Variants in KIF1B observed in about 807,000 individuals in gnomAD.
KIF1B encodes the protein kinesin family member 1B.
In KIF1B, 76 loss-of-function variants were observed where a neutral mutation model predicts 241.9. That is an observed-to-expected ratio of 0.31 (90% CI 0.26 to 0.38). KIF1B has a LOEUF of 0.38. Ranked by LOEUF, KIF1B falls within the 10% of genes least tolerant of loss-of-function variation. KIF1B has a pLI of 1.00. For missense variants in KIF1B, 1,622 were observed against 2,271.4 expected (o/e 0.71, Z 5.81); for synonymous variants, 750 against 796.7 (o/e 0.94, Z 0.99).
intron 32 of KIF1B, among the ~76,000 whole-genome samples, chr1:10,340,981 A>G (rs1417318765): frequency 1.3e-5 from 2 of 152,286 alleles, no homozygotes; most frequent in Middle Eastern, 3.4e-3. Context: ...ACAAGCAAAC[A>G]CAAAATATGC....
intron 11 of KIF1B, 128 bp from the exon 12 acceptor site, chr1:10,276,193 A>G: frequency 1.3e-6 from 1 of 758,548 alleles, no homozygotes. Context: ...CAAAAAAAAA[A>G]TAAAAGAAAG....
intron 24 of KIF1B, among the ~76,000 whole-genome samples, chr1:10,323,566 G>T (rs1373614342): frequency 1.3e-5 from 2 of 152,182 alleles, no homozygotes; most frequent in Non-Finnish European, 2.9e-5. Context: ...AGGCTACAGT[G>T]CTCTGTGATT....
intron 2 of KIF1B, among the ~76,000 whole-genome samples, chr1:10,242,889 A>G (rs536730302): frequency 5.3e-5 from 8 of 152,150 alleles, no homozygotes; most frequent in Admixed American, 1.3e-4. Flanking sequence ...ACAGGTTGTT[A>G]TGTGGTGCAT....
intron 2 of KIF1B, among the ~76,000 whole-genome samples, chr1:10,253,221 A>G (rs560438843): frequency 6.6e-6 from 1 of 152,254 alleles, no homozygotes; most frequent in East Asian, 1.9e-4. Context: ...CCAAAATTGC[A>G]TCCTGAATCT....
At chr1:10,292,411 T>G (rs1650044040) in intron 17 of KIF1B, 1 of 366,448 alleles carries the variant, frequency 2.7e-6, no homozygotes, top group Admixed American at 4.2e-5. Flanking sequence ...TTGCTTTCTC[T>G]TAAATTCCCA....
chr1:10,259,147 C>G (rs1482828040), intron 4 of KIF1B, among the ~76,000 whole-genome samples: 4 of 145,628 alleles, frequency 2.7e-5, no homozygotes, highest in Non-Finnish European at 4.5e-5. Flanking sequence ...CTCTGAGATT[C>G]TCCCTCTTTT....
At chr1:10,360,835 G>T (rs1236229443) in intron 38 of KIF1B, 94 bp from the exon 39 acceptor site, 3 of 837,868 alleles carry the variant, frequency 3.6e-6, no homozygotes, top group South Asian at 1.3e-5. Flanking sequence ...GTTGGTTGGC[G>T]TATGGTTCTT....
At chr1:10,361,556 G>T (rs1483927162) in intron 39 of KIF1B, 136 bp from the exon 40 acceptor site, 2 of 947,770 alleles carry the variant, frequency 2.1e-6, no homozygotes, top group East Asian at 4.8e-5. Context: ...CCATTGGGTG[G>T]CTGTTGAAAT....
At chr1:10,369,458 C>G (rs1449599731) in intron 44 of KIF1B, among the ~76,000 whole-genome samples, 3 of 151,576 alleles carry the variant, frequency 2.0e-5, no homozygotes. Flanking sequence ...GCACAAATAC[C>G]CTATCTCTAC....
chr1:10,376,025 AC>A (rs1638877874), intron 48 of KIF1B, among the ~76,000 whole-genome samples: 1 of 147,622 alleles, frequency 6.8e-6, no homozygotes, highest in African/African-American at 2.5e-5. Context: ...CTGGTCTTGA[AC>A]TCCTGACCTC....
chr1:10,360,658 A>G lies in KIF1B; in HGVS notation c.4056-271A>G, dbSNP rs1337769823. Among the ~76,000 whole-genome samples the G allele has an allele frequency of 2.0e-5, 3 of 148,166 alleles. No homozygotes were observed. The South Asian group carries it at 6.7e-4, about 33-fold the overall frequency. On this transcript the variant is annotated intron_variant, in intron 38 of 48. Transcript: ENST00000676179. ...CGAGATTGTGCCACTGCACTCCAGTATGGGCAACAGAGCAAAATTCTGTCT... is the reference window on the plus strand; with the variant it reads ...CGAGATTGTGCCACTGCACTCCAGTGTGGGCAACAGAGCAAAATTCTGTCT...
chr1:10,377,146 C>T lies in KIF1B; in HGVS notation c.*559C>T, dbSNP rs1038507754. The T allele has an allele frequency of 8.3e-6, 2 of 239,592 alleles. No homozygotes were observed. The highest frequency in any genetic ancestry group is 4.4e-5 in the African/African-American group (2 of 45,170). The allele number at this position is 239,592 out of a possible 1,614,324, so 14.8% of individuals were successfully genotyped here. A position where few individuals can be genotyped will look rare whatever the true frequency, so the allele number is the denominator to read the frequency against. ...AGAGGAAAAAAAGAGTCTTTTTTTCCCCTCTGTCTCTTTTTGCCATGGCTA... is the reference window on the plus strand; with the variant it reads ...AGAGGAAAAAAAGAGTCTTTTTTTCTCCTCTGTCTCTTTTTGCCATGGCTA... On this transcript the variant is annotated 3_prime_UTR_variant, in exon 49 of 49. Coordinates refer to ENST00000676179, the MANE Select transcript of KIF1B (RefSeq NM_001365951.3).
chr1:10,227,216 G>A (rs1646920852), intron 1 of KIF1B, among the ~76,000 whole-genome samples: 1 of 151,800 alleles, frequency 6.6e-6, no homozygotes, highest in African/African-American at 2.4e-5. Context: ...TTGTGCTTTA[G>A]TAGAGATGGG....
At chr1:10,316,979 C>A (rs911334779) in intron 22 of KIF1B, among the ~76,000 whole-genome samples, 1 of 151,286 alleles carries the variant, frequency 6.6e-6, no homozygotes, top group Non-Finnish European at 1.5e-5. Context: ...CAGGCCTGAT[C>A]ATAGCGCACT....
At chr1:10,306,761 A>T in intron 22 of KIF1B, 1 of 858,028 alleles carries the variant, frequency 1.2e-6, no homozygotes, top group Non-Finnish European at 1.4e-6. Context: ...TGTCTTTAAA[A>T]AAAAAAAAAA....
At chr1:10,282,238 G>GAT (rs1649441332) in intron 14 of KIF1B, 84 bp from the exon 15 acceptor site, 1 of 1,091,226 alleles carries the variant, frequency 9.2e-7, no homozygotes, top group Admixed American at 2.0e-5. Flanking sequence ...TTCTTACAAC[G>GAT]ATATTCCTTC....
intron 15 of KIF1B, among the ~76,000 whole-genome samples, chr1:10,282,827 G>A (rs1021868780): frequency 3.9e-5 from 6 of 152,192 alleles, no homozygotes; most frequent in African/African-American, 1.4e-4. Context: ...TCAAGTTACA[G>A]TGTAATTGTT....
chr1:10,344,289 T>C (rs1210734181), intron 34 of KIF1B, among the ~76,000 whole-genome samples: 1 of 152,192 alleles, frequency 6.6e-6, no homozygotes, highest in East Asian at 1.9e-4. Flanking sequence ...CCAAACGAGA[T>C]GGTTAGTAGC....
At chr1:10,324,671 A>G (rs1357189466) in intron 25 of KIF1B, 87 bp from the exon 26 acceptor site, 36 of 1,477,648 alleles carry the variant, frequency 2.4e-5, no homozygotes, top group Non-Finnish European at 3.4e-5. Context: ...TTTTTTGAAG[A>G]AAATCTTGAA....
Sources: gnomAD v4.1 joint callset for allele counts (sites outside exome capture counted in the v4.1 genomes callset) on GRCh38, gnomAD v4.1.1 for gene constraint, MANE v1.5 for transcripts, NCBI Gene and HGNC (gene_info 2026-07-23, HGNC 2026-07-21) for gene names.